DDX10: variants seen among roughly 807,000 people sequenced by gnomAD.
The protein encoded by DDX10 is DEAD-box helicase 10, also known as probable ATP-dependent RNA helicase DDX10.
Under a neutral mutation model 104.3 loss-of-function variants are expected in DDX10, and 74 were observed. The ratio of observed to expected loss-of-function variants is 0.71; its 90% CI spans 0.59 to 0.86. The LOEUF is 0.86. DDX10 is among the 40% of genes least tolerant of loss of function. DDX10 has a pLI of 0.00. For synonymous variants in DDX10, 351 were observed against 353.4 expected (o/e 0.99, Z 0.08); for missense variants, 952 against 1,040.0 (o/e 0.92, Z 1.16).
intron 13 of DDX10, among the ~76,000 whole-genome samples, chr11:108,817,342 C>A (rs888176232): frequency 2.0e-5 from 3 of 152,046 alleles, no homozygotes; most frequent in Admixed American, 2.0e-4. Flanking sequence ...TTCTTGAAAA[C>A]AACAAACTCA....
intron 2 of DDX10, among the ~76,000 whole-genome samples, chr11:108,674,908 A>G (rs762277811): frequency 6.6e-6 from 1 of 152,196 alleles, no homozygotes; most frequent in Non-Finnish European, 1.5e-5. Flanking sequence ...GCTTCTGGTA[A>G]CTACCATTCT....
rs1301054158 is a variant in DDX10 at position 108,940,546 on chromosome 11, T to A, written c.*123T>A. 8 of 920,794 alleles carry A rather than the reference T, an allele frequency of 8.7e-6. No homozygotes were observed. The allele number at this position is 920,794 out of a possible 1,614,324, so 57.0% of individuals were successfully genotyped here. ...GCCCCATTCCCAAAGGGCACATTTCTGGATAGAAGCGATCGTATCTCCAAG... is the reference window on the plus strand; with the variant it reads ...GCCCCATTCCCAAAGGGCACATTTCAGGATAGAAGCGATCGTATCTCCAAG... On this transcript the variant is annotated 3_prime_UTR_variant, in exon 18 of 18. Transcript: ENST00000322536.
chr11:108,839,448 T>G (rs1862606401), intron 14 of DDX10, among the ~76,000 whole-genome samples: 1 of 152,200 alleles, frequency 6.6e-6, no homozygotes. Context: ...TTGATTTTGT[T>G]TACTATTCTG....
rs773185603 is a variant in DDX10 at position 108,751,178 on chromosome 11, C to T, written c.1965+27716C>T. Among the ~76,000 whole-genome samples the T allele has an allele frequency of 6.9e-4, 105 of 151,626 alleles. 3 individuals are homozygous for T. The highest frequency in any genetic ancestry group is 1.9e-4 in the East Asian group (1 of 5,178). ...GCATTGTATTTTGATCAGATAGATGCTCAGAAGAGTTTAACATATTCACTG... is the reference window on the plus strand; with the variant it reads ...GCATTGTATTTTGATCAGATAGATGTTCAGAAGAGTTTAACATATTCACTG... On this transcript the variant is annotated intron_variant, in intron 13 of 17. Transcript: ENST00000322536.
intron 13 of DDX10, among the ~76,000 whole-genome samples, chr11:108,761,674 C>T (rs2094351037): frequency 1.3e-5 from 2 of 152,054 alleles, no homozygotes; most frequent in African/African-American, 4.8e-5. Flanking sequence ...AATTTGTTTT[C>T]CTTGTAAGAC....
Position 108,693,543 on chromosome 11 carries a change from A to G in DDX10, c.1166A>G (p.Gln389Arg). The G allele has an allele frequency of 6.2e-7, 1 of 1,614,144 alleles. No homozygotes were observed. Among genetic ancestry groups the G allele is most frequent in the Non-Finnish European group, 8.5e-7 (1 of 1,180,018 alleles). ...LDFPAVNWVL[Q>R]FDCPEDANTY... is the part of the protein sequence containing the mutation. ...TTCCCGGCCGTGAATTGGGTTCTTC[A>G]GTTTGATTGTCCTGAGGATGCCAAC... The change falls in exon 9 of 18, where the codon CAG (glutamine) becomes CGG (arginine). Residue 389 changes from glutamine (Q) to arginine (R), a missense_variant. Gln to Arg is a conservative substitution (Grantham distance 43). Transcript: ENST00000322536.
At position 108,723,449 on chromosome 11, in the gene DDX10, A is replaced by C. The variant is rs1489165967; in HGVS notation, c.1952A>C (p.Glu651Ala). ...HNVFGLDLKD[E>A]KTLQKKEPSK... Reference sequence around the variant, plus strand: ...GTGTTTGGATTGGACCTTAAAGACGAGAAAACATTACAGGTAAGTTTACTC... The same window carrying C: ...GTGTTTGGATTGGACCTTAAAGACGCGAAAACATTACAGGTAAGTTTACTC... Residue 651 changes from glutamate to alanine, a missense_variant, in exon 13 of 18, where the codon GAG becomes GCG. Transcript: ENST00000322536. 6.2e-7 allele frequency: 1 copy of C among 1,611,334 alleles called. No individual in the cohort carries two copies. The highest frequency in any genetic ancestry group is 8.5e-7 in the Non-Finnish European group (1 of 1,178,862).
At chr11:108,845,132 C>T (rs529074511) in intron 15 of DDX10, among the ~76,000 whole-genome samples, 23 of 152,168 alleles carry the variant, frequency 1.5e-4, no homozygotes, top group African/African-American at 5.3e-4. Context: ...GGCATGAACC[C>T]GGGAGGCGGA....
intron 13 of DDX10, among the ~76,000 whole-genome samples, chr11:108,835,095 G>A (rs1862535940): frequency 6.6e-6 from 1 of 152,036 alleles, no homozygotes. Flanking sequence ...AGAAGTGGGG[G>A]TCTTATTAAT....
chr11:108,806,401 A>G (rs897134511), intron 13 of DDX10, among the ~76,000 whole-genome samples: 1 of 152,162 alleles, frequency 6.6e-6, no homozygotes, highest in Admixed American at 6.5e-5. Context: ...GAACTTTATG[A>G]TACTCTGTTT....
chr11:108,845,098 C>G (rs1034825521), intron 15 of DDX10, among the ~76,000 whole-genome samples: 1 of 152,098 alleles, frequency 6.6e-6, no homozygotes, highest in Non-Finnish European at 1.5e-5. Flanking sequence ...GTCCCAGCTA[C>G]TCCGGAGGCT....
chr11:108,753,824 G>A (rs1460916790), intron 13 of DDX10, among the ~76,000 whole-genome samples: 1 of 151,934 alleles, frequency 6.6e-6, no homozygotes. Flanking sequence ...TCTGAGCCAC[G>A]TGGTACTTGC....
chr11:108,710,913 G>A (rs7930190), intron 10 of DDX10, among the ~76,000 whole-genome samples: 5,158 of 152,230 alleles, frequency 0.034, 292 homozygotes, highest in African/African-American at 0.12. Flanking sequence ...AGTAGCCTGC[G>A]CCACCATGCC....
Position 108,908,177 on chromosome 11 carries a change from A to G in DDX10, c.2305-9696A>G, listed in dbSNP as rs187465468. ...CTTGGGGAAATCTCAAAATCAGTCTATCTTTAACTACTGAGGATGGTCAGC... is the reference window on the plus strand; with the variant it reads ...CTTGGGGAAATCTCAAAATCAGTCTGTCTTTAACTACTGAGGATGGTCAGC... On this transcript the variant is annotated intron_variant, in intron 16 of 17. Transcript: ENST00000322536. Among the ~76,000 whole-genome samples the G allele has an allele frequency of 4.0e-4, 61 of 152,322 alleles. No homozygotes were observed. The East Asian group carries it at 8.5e-3, about 21-fold the overall frequency.
intron 13 of DDX10, among the ~76,000 whole-genome samples, chr11:108,759,212 T>A (rs902093012): frequency 2.6e-5 from 4 of 152,126 alleles, no homozygotes; most frequent in Non-Finnish European, 4.4e-5. Context: ...TTATTTTTAA[T>A]TATTTGATTA....
chr11:108,860,209 A>G (rs972335869), intron 16 of DDX10, among the ~76,000 whole-genome samples: 17 of 152,218 alleles, frequency 1.1e-4, no homozygotes, highest in Admixed American at 1.0e-3. Context: ...TATACAGTGA[A>G]TAAGTTATCT....
intron 17 of DDX10, among the ~76,000 whole-genome samples, chr11:108,930,173 C>T (rs1288143385): frequency 3.9e-5 from 6 of 152,304 alleles, no homozygotes; most frequent in Admixed American, 1.3e-4. Context: ...CTTCTCTTTC[C>T]GAATCCCTTG....
intron 13 of DDX10, among the ~76,000 whole-genome samples, chr11:108,829,262 A>G (rs559893582): frequency 9.9e-5 from 15 of 152,170 alleles, no homozygotes; most frequent in African/African-American, 2.2e-4. Flanking sequence ...GCCAACATCT[A>G]TTATTTTTTA....
intron 16 of DDX10, among the ~76,000 whole-genome samples, chr11:108,874,924 G>C (rs943415706): frequency 5.3e-5 from 8 of 151,956 alleles, no homozygotes; most frequent in African/African-American, 1.9e-4. Flanking sequence ...TTGAATTCTT[G>C]TGCCAGTTAT....
Sources: allele counts gnomAD v4.1 joint callset (sites outside exome capture counted in the v4.1 genomes callset), GRCh38; gene constraint gnomAD v4.1.1; transcripts MANE v1.5; gene names NCBI Gene and HGNC (gene_info 2026-07-23, HGNC 2026-07-21).